Variants in CHIA observed in about 807,000 individuals in gnomAD.
CHIA encodes acidic mammalian chitinase.
In CHIA, 47 loss-of-function variants were observed where a neutral mutation model predicts 53.5. That is an observed-to-expected ratio of 0.88 (90% CI 0.70 to 1.12). The LOEUF (loss-of-function observed/expected upper bound fraction) is 1.12. CHIA is among the 50% of genes most tolerant of loss of function. CHIA has a pLI of 0.00. For synonymous variants in CHIA, 268 were observed against 222.2 expected, an observed-to-expected ratio of 1.21 and a Z score of -1.83; for missense variants, 652 against 592.2, an observed-to-expected ratio of 1.10 and a Z score of -1.05.
rs926918864 is a variant in CHIA, at chr1:111,311,322, G to C, written c.26-367G>C. On this transcript the variant is annotated intron_variant, in intron 2 of 11. Transcript: ENST00000369740. Reference sequence around the variant, plus strand: ...CTCTGATTTAGCAGATGCCTTATCTGTTGGAAGGCTGTGTTCTATCACTCA... The same window carrying C: ...CTCTGATTTAGCAGATGCCTTATCTCTTGGAAGGCTGTGTTCTATCACTCA... 5.6e-4 allele frequency among the ~76,000 whole-genome samples: 86 copies of C among 152,302 alleles called. 1 individual carries two copies. Among genetic ancestry groups the C allele is most frequent in the Admixed American group, 5.6e-3 (86 of 15,296 alleles).
At chr1:111,307,171 T>A (rs1239576010) in intron 1 of CHIA, among the ~76,000 whole-genome samples, 1 of 152,170 alleles carries the variant, frequency 6.6e-6, no homozygotes, top group Non-Finnish European at 1.5e-5. Flanking sequence ...TATAGCAGCA[T>A]GTAGAAGAAA....
At chr1:111,307,100 T>C (rs1310741573) in intron 1 of CHIA, among the ~76,000 whole-genome samples, 1 of 152,234 alleles carries the variant, frequency 6.6e-6, no homozygotes, top group East Asian at 1.9e-4. Context: ...CATTCCTAGG[T>C]GTAAACACTG....
intron 1 of CHIA, among the ~76,000 whole-genome samples, chr1:111,307,069 T>G (rs747677206): frequency 6.6e-6 from 1 of 152,248 alleles, no homozygotes; most frequent in Non-Finnish European, 1.5e-5. Flanking sequence ...AATATGCATG[T>G]GTTATTTCAC....
chr1:111,301,651 G>A (rs1298086741), intron 1 of CHIA, among the ~76,000 whole-genome samples: 2 of 146,078 alleles, frequency 1.4e-5, no homozygotes, highest in East Asian at 2.0e-4. Context: ...GCAGTGAGCC[G>A]AGATAGTGCC....
At chr1:111,314,199 G>A (rs1036848448) in intron 4 of CHIA, among the ~76,000 whole-genome samples, 1 of 151,856 alleles carries the variant, frequency 6.6e-6, no homozygotes, top group South Asian at 2.1e-4. Context: ...GGCTAAAAAT[G>A]TAATTAAGCT....
At position 111,314,916 on chromosome 1, in the gene CHIA, C is replaced by G. The variant is rs1649022906; in HGVS notation, c.314+320C>G. The G allele has an allele frequency of 7.8e-6, 3 of 383,162 alleles. No individual in the cohort carries two copies. The South Asian group carries it at 1.4e-4, about 18-fold the overall frequency. The allele number at this position is 383,162 out of a possible 1,614,324, so 23.7% of individuals were successfully genotyped here. On this transcript the variant is annotated intron_variant, in intron 5 of 11. Transcript: ENST00000369740. Reference sequence around the variant, plus strand: ...TGTTATAATGCTTCCCTCTATTTATCTTCTGGTGGGGGGAGGAATGAGAAA... The same window carrying G: ...TGTTATAATGCTTCCCTCTATTTATGTTCTGGTGGGGGGAGGAATGAGAAA...
At chr1:111,298,067 A>G (rs540395365) in intron 1 of CHIA, among the ~76,000 whole-genome samples, 1 of 152,226 alleles carries the variant, frequency 6.6e-6, no homozygotes, top group Non-Finnish European at 1.5e-5. Context: ...ATATGCACCC[A>G]ATACAGAAGC....
intron 1 of CHIA, among the ~76,000 whole-genome samples, chr1:111,300,904 T>A (rs570443381): frequency 1.1e-3 from 171 of 151,992 alleles, no homozygotes; most frequent in African/African-American, 3.7e-3. Context: ...AACAACCCCA[T>A]CAAAAAGTGG....
At chr1:111,318,995 T>A in intron 9 of CHIA, 125 bp from the exon 10 acceptor site, 1 of 1,341,368 alleles carries the variant, frequency 7.5e-7, no homozygotes, top group Non-Finnish European at 1.0e-6. Context: ...TTACTACAAA[T>A]AAAAACCTGT....
intron 1 of CHIA, among the ~76,000 whole-genome samples, chr1:111,305,938 A>G (rs1366424500): frequency 2.0e-5 from 3 of 152,236 alleles, no homozygotes; most frequent in African/African-American, 4.8e-5. Context: ...TTGCATTTAT[A>G]GAAACAAGTA....
intron 1 of CHIA, among the ~76,000 whole-genome samples, chr1:111,309,752 A>G (rs919013460): frequency 6.6e-6 from 1 of 152,250 alleles, no homozygotes; most frequent in Non-Finnish European, 1.5e-5. Flanking sequence ...AAATATTTCT[A>G]TGAAGAGACT....
At chr1:111,301,824 T>C (rs1245304198) in intron 1 of CHIA, among the ~76,000 whole-genome samples, 1 of 151,878 alleles carries the variant, frequency 6.6e-6, no homozygotes, top group Non-Finnish European at 1.5e-5. Flanking sequence ...ATATACCGCA[T>C]GTTCTTACTC....
intron 1 of CHIA, among the ~76,000 whole-genome samples, chr1:111,295,337 TG>T (rs1661273781): frequency 2.0e-5 from 3 of 152,238 alleles, no homozygotes; most frequent in African/African-American, 7.2e-5. Flanking sequence ...TGAGCCATCA[TG>T]CCCAGTGTAA....
chr1:111,291,791 A>G (rs549487559), intron 1 of CHIA, among the ~76,000 whole-genome samples: 23 of 145,964 alleles, frequency 1.6e-4, no homozygotes, highest in African/African-American at 5.5e-4. Flanking sequence ...ATGAGAATAC[A>G]TAGACACAGG....
At chr1:111,291,651 C>A (rs1167035195) in intron 1 of CHIA, among the ~76,000 whole-genome samples, 1 of 151,798 alleles carries the variant, frequency 6.6e-6, no homozygotes, top group East Asian at 1.9e-4. Context: ...ACATTCTGCA[C>A]TTGTATCCTG....
chr1:111,317,523 C>T (rs576210246), intron 6 of CHIA, 158 bp from the exon 7 acceptor site: 19 of 740,984 alleles, frequency 2.6e-5, no homozygotes, highest in Middle Eastern at 3.6e-4. Context: ...ATTATCTATC[C>T]GATCTACTTT....
At chr1:111,295,176 TTA>T (rs1216637114) in intron 1 of CHIA, among the ~76,000 whole-genome samples, 1 of 152,208 alleles carries the variant, frequency 6.6e-6, no homozygotes, top group Non-Finnish European at 1.5e-5. Context: ...TGTTGGAAAC[TTA>T]TTGCATTTTA....
chr1:111,312,042 C>T lies in CHIA; in HGVS notation c.56-148C>T, dbSNP rs912122666. 9 of 654,970 alleles carry T rather than the reference C, an allele frequency of 1.4e-5. No individual in the cohort carries two copies. In the East Asian group the frequency reaches 2.4e-4, roughly 17 times the overall value. The allele number at this position is 654,970 out of a possible 1,614,324, so 40.6% of individuals were successfully genotyped here. ...AGTTCTGAGTTAGAATCTTAGGATGCATTTGCAAGAGTGTTCATACTAATT... is the reference window on the plus strand; with the variant it reads ...AGTTCTGAGTTAGAATCTTAGGATGTATTTGCAAGAGTGTTCATACTAATT... On this transcript the variant is annotated intron_variant, in intron 3 of 11. Coordinates refer to ENST00000369740, the MANE Select transcript of CHIA (RefSeq NM_201653.4).
At chr1:111,310,205 T>C (rs947735356) in intron 1 of CHIA, among the ~76,000 whole-genome samples, 195 bp from the exon 2 acceptor site, 4 of 152,208 alleles carry the variant, frequency 2.6e-5, no homozygotes, top group Non-Finnish European at 4.4e-5. Context: ...TAAACTGGTG[T>C]TTTCCATGGT....
Sources: gnomAD v4.1 joint callset for allele counts (sites outside exome capture counted in the v4.1 genomes callset) on GRCh38, gnomAD v4.1.1 for gene constraint, MANE v1.5 for transcripts, NCBI Gene and HGNC (gene_info 2026-07-23, HGNC 2026-07-21) for gene names.